The following FER1L5 variants were observed in gnomAD, a reference collection of about 807,000 sequenced individuals.
FER1L5 encodes fer-1-like protein 5.
Under a neutral mutation model 279.9 loss-of-function variants are expected in FER1L5, and 187 were observed. The ratio of observed to expected loss-of-function variants is 0.67; its 90% CI spans 0.59 to 0.75. FER1L5 has a LOEUF of 0.75. Ranked by LOEUF, FER1L5 falls within the 30% of genes least tolerant of loss-of-function variation. The pLI, the probability that FER1L5 is intolerant of heterozygous loss-of-function variation, is 0.00. For synonymous variants in FER1L5, 921 were observed against 989.7 expected (o/e 0.93, Z 1.30); for missense variants, 2,091 against 2,594.4 (o/e 0.81, Z 4.21).
At chr2:96,668,400 G>T (rs556491141) in intron 14 of FER1L5, among the ~76,000 whole-genome samples, 3 of 152,202 alleles carry the variant, frequency 2.0e-5, no homozygotes, top group Non-Finnish European at 4.4e-5. Flanking sequence ...TGGGCCTGAT[G>T]GCAGGTGCCT....
At chr2:96,701,698 G>A (rs1041933780) in intron 45 of FER1L5, among the ~76,000 whole-genome samples, 2 of 152,020 alleles carry the variant, frequency 1.3e-5, no homozygotes, top group African/African-American at 2.4e-5. Flanking sequence ...CAGACCTGTC[G>A]TAAGTGGAAT....
chr2:96,687,653 C>CAGA, intron 23 of FER1L5, 163 bp from the exon 24 acceptor site: 1 of 1,141,524 alleles, frequency 8.8e-7, no homozygotes, highest in Non-Finnish European at 1.2e-6. Flanking sequence ...GAGGGCAGAA[C>CAGA]AGAACTCCAT....
chr2:96,686,962 G>A (rs1462308996), intron 23 of FER1L5, among the ~76,000 whole-genome samples: 4 of 151,782 alleles, frequency 2.6e-5, no homozygotes, highest in East Asian at 1.9e-4. Flanking sequence ...GGACCGTGAC[G>A]GGGTGATCTC....
intron 11 of FER1L5, 51 bp downstream of exon 11, chr2:96,661,491 G>GT: frequency 6.6e-7 from 1 of 1,525,974 alleles, no homozygotes; most frequent in Non-Finnish European, 8.9e-7. Context: ...GCCTCCTGGG[G>GT]GCACCCCTGG....
At position 96,686,331 on chromosome 2, in the gene FER1L5, T is replaced by C. The variant is rs1169614557; in HGVS notation, c.2210T>C (p.Ile737Thr). 3.2e-6 allele frequency: 5 copies of C among 1,551,166 alleles called. No homozygotes were observed. Among genetic ancestry groups the C allele is most frequent in the African/African-American group, 1.4e-5 (1 of 73,060 alleles). Residue 737 changes from isoleucine (I) to threonine (T), a missense_variant, in exon 23 of 53, where the codon ATA (isoleucine) becomes ACA (threonine). Transcript: ENST00000624922. ...ALHSGRLCGKIQTLFLQYPEG... is the reference protein window; with the variant it reads ...ALHSGRLCGKTQTLFLQYPEG... ...CACTCCGGCAGGCTCTGTGGGAAGA[T>C]ACAGACACTCTTCCTACAGGTGGGA...
In FER1L5 at chr2:96,704,768, A is replaced by G. The variant is rs999767683; in HGVS notation, c.*76A>G. 2.0e-5 allele frequency: 22 copies of G among 1,101,392 alleles called. No homozygotes were observed. In the East Asian group the frequency reaches 3.3e-4, roughly 17 times the overall value. The allele number at this position is 1,101,392 out of a possible 1,614,324, so 68.2% of individuals were successfully genotyped here. On this transcript the variant is annotated 3_prime_UTR_variant, in exon 53 of 53. Transcript: ENST00000624922. ...GGCTGGCTACCAGTTCTTTGTTTCTATCTTCTAGAATATATGCAAGATGCT... is the reference window on the plus strand; with the variant it reads ...GGCTGGCTACCAGTTCTTTGTTTCTGTCTTCTAGAATATATGCAAGATGCT...
At chr2:96,701,146 C>T (rs2077573023) in intron 45 of FER1L5, among the ~76,000 whole-genome samples, 1 of 152,146 alleles carries the variant, frequency 6.6e-6, no homozygotes, top group Non-Finnish European at 1.5e-5. Flanking sequence ...AACCTCTTTA[C>T]TAAAAATACA....
At chr2:96,649,569 T>G in intron 4 of FER1L5, 54 bp from the exon 5 acceptor site, 1 of 1,532,324 alleles carries the variant, frequency 6.5e-7, no homozygotes. Context: ...GCTTGGGTGC[T>G]GTGTCCAAGG....
intron 19 of FER1L5, among the ~76,000 whole-genome samples, chr2:96,683,241 G>A (rs919993862): frequency 6.6e-6 from 1 of 152,192 alleles, no homozygotes; most frequent in Non-Finnish European, 1.5e-5. Context: ...GAGGCCAGAA[G>A]TTCAAAGTCA....
At position 96,689,635 on chromosome 2, in the gene FER1L5, T is replaced by C. The variant is rs2077064575; in HGVS notation, c.2526-9T>C. 6.5e-7 allele frequency: 1 copy of C among 1,549,004 alleles called. No homozygotes were observed. Among genetic ancestry groups the C allele is most frequent in the Non-Finnish European group, 8.7e-7 (1 of 1,145,080 alleles). On this transcript the variant is annotated splice_polypyrimidine_tract_variant and intron_variant, in intron 25 of 52. Coordinates refer to ENST00000624922, the MANE Select transcript of FER1L5 (RefSeq NM_001293083.2). This position sits in a 1 kb window ranked among gnomAD's most constrained non-coding sequence, Gnocchi z 4.6. ...TTGTGCTGGGAACTTGGGGTCTCAT[T>C]ACCCCCAGGCTCCTCCTGGACATAG...
chr2:96,695,989 T>C, intron 36 of FER1L5, 63 bp from the exon 37 acceptor site: 1 of 1,605,454 alleles, frequency 6.2e-7, no homozygotes, highest in Non-Finnish European at 8.5e-7. Flanking sequence ...CCCCGTGGGG[T>C]TGGTGCTTCC....
chr2:96,674,514 G>A (rs555500424), intron 19 of FER1L5, among the ~76,000 whole-genome samples: 6 of 152,212 alleles, frequency 3.9e-5, no homozygotes, highest in South Asian at 2.1e-4. Context: ...GTGAGCCACC[G>A]CACCCGGGCA....
Position 96,642,843 on chromosome 2 carries a change from C to T in FER1L5, c.7C>T (p.Arg3Trp). The T allele has an allele frequency of 1.3e-6, 2 of 1,550,598 alleles. No homozygotes were observed. The highest frequency in any genetic ancestry group is 2.0e-5 in the Admixed American group (1 of 50,908). ...AAGAAAGTAGGTCTCCGAGATGCTGCGGCTTGTGGTGCAGTCGGCCAAGAT... is the reference window on the plus strand; with the variant it reads ...AAGAAAGTAGGTCTCCGAGATGCTGTGGCTTGTGGTGCAGTCGGCCAAGAT... ML[R>W]LVVQSAKIDP... Residue 3 changes from arginine (R) to tryptophan (W), a missense_variant, in exon 1 of 53, where the codon CGG becomes TGG. Arg to Trp is a moderately radical substitution (Grantham distance 101, BLOSUM62 -3). Transcript: ENST00000624922.
At chr2:96,693,438 G>GCAGCAGAGGAGAGGAAAGCCCCTCTTCC in intron 31 of FER1L5, 68 bp from the exon 32 acceptor site, 1 of 1,445,288 alleles carries the variant, frequency 6.9e-7, no homozygotes, top group South Asian at 1.4e-5. Flanking sequence ...AGTGGCTGCA[G>GCAGCAGAGGAGAGGAAAGCCCCTCTTCC]CAGCAGAGGA....
rs1261398607 is a variant in FER1L5 at position 96,687,870 on chromosome 2, A to G, written c.2284A>G (p.Met762Val). ...GCTCCCAGCTCACCTCCGGGTCTGC[A>G]TGTGGCTTGGCAATGTCACAGACAG... ...DVLPAHLRVC[M>V]WLGNVTDSKD... Residue 762 changes from methionine (M) to valine (V), a missense_variant, in exon 24 of 53, where the codon ATG (methionine) becomes GTG (valine). Met to Val is a conservative substitution (Grantham distance 21). Transcript: ENST00000624922. The G allele has an allele frequency of 9.7e-6, 15 of 1,551,090 alleles. No homozygotes were observed. In the Admixed American group the frequency reaches 9.8e-5, roughly 10 times the overall value.
intron 14 of FER1L5, among the ~76,000 whole-genome samples, chr2:96,666,741 C>T (rs1411790656): frequency 1.3e-5 from 2 of 152,028 alleles, no homozygotes; most frequent in African/African-American, 4.8e-5. Context: ...ACCTCCACCT[C>T]CTGGGTTCAA....
chr2:96,648,748 A>G (rs1384077192), intron 4 of FER1L5, among the ~76,000 whole-genome samples: 3 of 152,226 alleles, frequency 2.0e-5, no homozygotes, highest in Admixed American at 6.5e-5. Context: ...TGGTTGCTGC[A>G]GATGGTGGAT....
chr2:96,686,210 C>T lies in FER1L5; in HGVS notation c.2089C>T (p.Pro697Ser). The change falls in exon 23 of 53, where the codon CCT (proline) becomes TCT (serine). Residue 697 changes from proline to serine, a missense_variant. Physicochemically the swap from Pro to Ser is moderately conservative, Grantham distance 74. Coordinates refer to ENST00000624922, the MANE Select transcript of FER1L5 (RefSeq NM_001293083.2). ...TVLPEPQMGL[P>S]DVMIWLVAKE... ...ACCTCGGCAGCCCCAGATGGGCCTCCCTGACGTGATGATTTGGCTGGTGGC... is the reference window on the plus strand; with the variant it reads ...ACCTCGGCAGCCCCAGATGGGCCTCTCTGACGTGATGATTTGGCTGGTGGC... 1 of 1,551,220 alleles carries T rather than the reference C, an allele frequency of 6.4e-7. No homozygotes were observed. Among genetic ancestry groups the T allele is most frequent in the Non-Finnish European group, 8.7e-7 (1 of 1,146,712 alleles).
chr2:96,702,792 G>T lies in FER1L5; in HGVS notation c.5397+51G>T, dbSNP rs978955345. 7 of 1,596,344 alleles carry T rather than the reference G, an allele frequency of 4.4e-6. No homozygotes were observed. The Admixed American group carries it at 5.2e-5, about 12-fold the overall frequency. ...AACAGGCCACAACAAACAGACCCAGGCTCCTGGAGCTCCTCCCCCCACCCC... is the reference window on the plus strand; with the variant it reads ...AACAGGCCACAACAAACAGACCCAGTCTCCTGGAGCTCCTCCCCCCACCCC... On this transcript the variant is annotated intron_variant, in intron 48 of 52. Coordinates refer to ENST00000624922, the MANE Select transcript of FER1L5 (RefSeq NM_001293083.2). This position sits in a 1 kb window ranked among gnomAD's most constrained non-coding sequence, Gnocchi z 4.0.
Sources: gnomAD v4.1 joint callset for allele counts (sites outside exome capture counted in the v4.1 genomes callset) on GRCh38, gnomAD v4.1.1 for gene constraint, Gnocchi (gnomAD v3.1) non-coding constraint, MANE v1.5 for transcripts, NCBI Gene and HGNC (gene_info 2026-07-23, HGNC 2026-07-21) for gene names.